RSPO2: variants seen among roughly 807,000 people sequenced by gnomAD.
The protein encoded by RSPO2 is R-spondin-2.
Under a neutral mutation model 30.9 loss-of-function variants are expected in RSPO2, and 14 were observed. That is an observed-to-expected ratio of 0.45 (90% CI 0.30 to 0.71). The LOEUF (loss-of-function observed/expected upper bound fraction) is 0.71, where lower values mean the gene tolerates loss of function less well. Among genes scored for constraint, RSPO2 ranks in the 30% least tolerant of loss-of-function variants. The pLI, the probability that RSPO2 is intolerant of heterozygous loss-of-function variation, is 0.08. For missense variants in RSPO2, 264 were observed against 301.9 expected (o/e 0.87, Z 0.93); for synonymous variants, 107 against 96.4 (o/e 1.11, Z -0.64).
At position 108,027,573 on chromosome 8, in the gene RSPO2, AT is replaced by A. The variant is rs202049939; in HGVS notation, c.95-38330del. Among the ~76,000 whole-genome samples the A allele has an allele frequency of 5.5e-3, 835 of 152,124 alleles. 9 individuals carry two copies. Among genetic ancestry groups the A allele is most frequent in the African/African-American group, 0.019 (799 of 41,520 alleles). ...GAAAATACAAGAGCAAAGTATTTAT[AT>A]TTTTTTTAAAAAAGTTCAATTATAG... On this transcript the variant is annotated intron_variant, in intron 2 of 5. Coordinates refer to ENST00000276659, the MANE Select transcript of RSPO2 (RefSeq NM_178565.5).
chr8:108,062,263 A>G (rs1267231178), intron 2 of RSPO2, among the ~76,000 whole-genome samples: 1 of 151,802 alleles, frequency 6.6e-6, no homozygotes, highest in Non-Finnish European at 1.5e-5. Context: ...TTTTTTGAAA[A>G]GATCAACAAA....
intron 2 of RSPO2, among the ~76,000 whole-genome samples, chr8:108,078,178 G>T (rs905341908): frequency 6.6e-6 from 1 of 152,184 alleles, no homozygotes; most frequent in African/African-American, 2.4e-5. Flanking sequence ...GGGCCTAGGG[G>T]AATGTCACCT....
At chr8:107,953,547 T>C (rs989163456) in intron 5 of RSPO2, among the ~76,000 whole-genome samples, 1 of 152,172 alleles carries the variant, frequency 6.6e-6, no homozygotes, top group Non-Finnish European at 1.5e-5. Flanking sequence ...TATTTCTGCA[T>C]AGAGGGAGAA....
chr8:108,040,388 GAGAA>G lies in RSPO2; in HGVS notation c.94+42153_94+42156del, dbSNP rs528431786. 6.6e-5 allele frequency among the ~76,000 whole-genome samples: 10 copies of G among 152,092 alleles called. No individual in the cohort carries two copies. In the South Asian group the frequency reaches 2.1e-3, roughly 32 times the overall value. On this transcript the variant is annotated intron_variant, in intron 2 of 5. Transcript: ENST00000276659. ...ACTTCAAAATCAGAAGGGAGATGAA[GAGAA>G]AGAAAGACACTTTAGACAAGAAAAA...
intron 3 of RSPO2, among the ~76,000 whole-genome samples, chr8:107,974,881 AGTGTTT>A (rs1426042000): frequency 3.3e-5 from 5 of 150,822 alleles, no homozygotes; most frequent in Non-Finnish European, 5.9e-5. Flanking sequence ...AATCAGTGAA[AGTGTTT>A]GTTAATTGAA....
intron 2 of RSPO2, among the ~76,000 whole-genome samples, chr8:108,012,691 C>T (rs1810748976): frequency 6.6e-6 from 1 of 152,028 alleles, no homozygotes; most frequent in Non-Finnish European, 1.5e-5. Flanking sequence ...ATTAATTGAT[C>T]CTATTCAACC....
chr8:107,995,095 T>A (rs1015626262), intron 2 of RSPO2, among the ~76,000 whole-genome samples: 1 of 152,030 alleles, frequency 6.6e-6, no homozygotes, highest in Non-Finnish European at 1.5e-5. Flanking sequence ...AAGGCCAATA[T>A]AACATCTTGA....
Position 108,056,619 on chromosome 8 carries a change from G to A in RSPO2, c.94+25926C>T, listed in dbSNP as rs570093452. 2.2e-4 allele frequency among the ~76,000 whole-genome samples: 16 copies of A among 72,190 alleles called. No individual in the cohort carries two copies. The South Asian group carries it at 2.6e-3, about 12-fold the overall frequency. 47.4% of individuals were successfully genotyped at this position (72,190 alleles called of 152,430 possible). A position where few individuals can be genotyped will look rare whatever the true frequency, so the allele number is the denominator to read the frequency against. ...GCCTGGGTGACACAGAGCCAGACCCGTCTCAAAAAAAAAAAAAAAAAAAAG... is the reference window on the plus strand; with the variant it reads ...GCCTGGGTGACACAGAGCCAGACCCATCTCAAAAAAAAAAAAAAAAAAAAG... On this transcript the variant is annotated intron_variant, in intron 2 of 5. Coordinates refer to ENST00000276659, the MANE Select transcript of RSPO2 (RefSeq NM_178565.5).
At chr8:107,985,261 T>C (rs1814583529) in intron 3 of RSPO2, among the ~76,000 whole-genome samples, 1 of 152,180 alleles carries the variant, frequency 6.6e-6, no homozygotes. Context: ...ATATATATCT[T>C]TAAAACATGT....
rs1208284671 is a variant in RSPO2 at position 107,900,824 on chromosome 8, C to T, written c.*251G>A. The T allele has an allele frequency of 2.5e-5, 9 of 366,046 alleles. No homozygotes were observed. Among genetic ancestry groups the T allele is most frequent in the East Asian group, 4.4e-5 (1 of 22,798 alleles). The allele number at this position is 366,046 out of a possible 1,614,324, so 22.7% of individuals were successfully genotyped here. A position where few individuals can be genotyped will look rare whatever the true frequency, so the allele number is the denominator to read the frequency against. ...TCTAGCATGTCCATGGTGCCGGGGA[C>T]GGATTCTCTCAGCACACACTGAGCC... On this transcript the variant is annotated 3_prime_UTR_variant, in exon 6 of 6. Coordinates refer to ENST00000276659, the MANE Select transcript of RSPO2 (RefSeq NM_178565.5).
At chr8:108,056,623 C>CAAAAAAAA (rs56256415) in intron 2 of RSPO2, among the ~76,000 whole-genome samples, 7 of 71,830 alleles carry the variant, frequency 9.7e-5, no homozygotes, top group African/African-American at 1.9e-4. Flanking sequence ...AGACCCGTCT[C>CAAAAAAAA]AAAAAAAAAA....
chr8:108,021,947 A>C (rs1167422173), intron 2 of RSPO2, among the ~76,000 whole-genome samples: 2 of 152,202 alleles, frequency 1.3e-5, no homozygotes, highest in African/African-American at 4.8e-5. Flanking sequence ...TATAAAAAAA[A>C]GAAAGAAAAA....
intron 5 of RSPO2, among the ~76,000 whole-genome samples, chr8:107,915,776 G>T (rs1811963434): frequency 6.6e-6 from 1 of 152,118 alleles, no homozygotes; most frequent in South Asian, 2.1e-4. Flanking sequence ...TGTCTGTTTT[G>T]TTATGTGTAT....
At chr8:107,925,839 A>G (rs141044271) in intron 5 of RSPO2, among the ~76,000 whole-genome samples, 3,368 of 152,286 alleles carry the variant, frequency 0.022, 85 homozygotes, top group East Asian at 0.11. Flanking sequence ...AGTCCTTGCT[A>G]TTGTGAGTAG....
intron 2 of RSPO2, among the ~76,000 whole-genome samples, chr8:108,074,273 C>T (rs1378038137): frequency 6.6e-6 from 1 of 152,050 alleles, no homozygotes; most frequent in African/African-American, 2.4e-5. Flanking sequence ...ATGAGAAAAG[C>T]TACCTATAAT....
intron 5 of RSPO2, among the ~76,000 whole-genome samples, chr8:107,908,235 G>GCTT (rs1811714773): frequency 6.6e-6 from 1 of 152,048 alleles, no homozygotes; most frequent in Non-Finnish European, 1.5e-5. Context: ...ACCTTTTTCA[G>GCTT]CTTTCTTGAA....
At chr8:108,030,985 T>C (rs1811401459) in intron 2 of RSPO2, among the ~76,000 whole-genome samples, 1 of 152,204 alleles carries the variant, frequency 6.6e-6, no homozygotes, top group African/African-American at 2.4e-5. Context: ...ATTATACTAC[T>C]GGATTAATAT....
At chr8:107,949,245 A>G (rs962249065) in intron 5 of RSPO2, among the ~76,000 whole-genome samples, 6 of 152,154 alleles carry the variant, frequency 3.9e-5, no homozygotes, top group African/African-American at 1.4e-4. Flanking sequence ...TATAAGTGAG[A>G]ACACACAATA....
At chr8:107,927,725 C>G (rs1161944558) in intron 5 of RSPO2, among the ~76,000 whole-genome samples, 1 of 152,134 alleles carries the variant, frequency 6.6e-6, no homozygotes. Context: ...GTTGAACCAG[C>G]CTTGCATCCC....
Sources: gnomAD v4.1 joint callset for allele counts (sites outside exome capture counted in the v4.1 genomes callset) on GRCh38, gnomAD v4.1.1 for gene constraint, MANE v1.5 for transcripts, NCBI Gene and HGNC (gene_info 2026-07-23, HGNC 2026-07-21) for gene names.